Variants in C9orf43 observed in about 807,000 individuals in gnomAD.
C9orf43 encodes the protein chromosome 9 open reading frame 43.
C9orf43 carries 45 observed loss-of-function variants against 59.1 expected under a neutral mutation model. That is an observed-to-expected ratio of 0.76 (90% CI 0.60 to 0.98). C9orf43 has a LOEUF of 0.98. Among genes scored for constraint, C9orf43 ranks in the 50% least tolerant of loss-of-function variants. C9orf43 has a pLI of 0.00. For synonymous variants in C9orf43, 203 were observed against 196.8 expected (o/e 1.03, Z -0.26); for missense variants, 533 against 554.9 (o/e 0.96, Z 0.40).
intron 1 of C9orf43, among the ~76,000 whole-genome samples, chr9:113,412,899 G>T (rs1433753598): frequency 6.6e-6 from 1 of 152,206 alleles, no homozygotes; most frequent in East Asian, 1.9e-4. Flanking sequence ...TTCATTGCTG[G>T]TGGGTATTTT....
chr9:113,426,933 T>G (rs747675118), intron 11 of C9orf43, among the ~76,000 whole-genome samples: 1 of 152,102 alleles, frequency 6.6e-6, no homozygotes, highest in African/African-American at 2.4e-5. Context: ...TTTCCTGATA[T>G]GGGAAAGAAC....
intron 5 of C9orf43, among the ~76,000 whole-genome samples, 192 bp downstream of exon 5, chr9:113,421,395 T>C (rs1015084007): frequency 2.0e-5 from 3 of 151,884 alleles, no homozygotes; most frequent in Non-Finnish European, 4.4e-5. Context: ...TTGAGATTCA[T>C]GCTGTGGGAC....
chr9:113,426,507 C>T (rs1223464641), intron 11 of C9orf43, among the ~76,000 whole-genome samples: 1 of 152,168 alleles, frequency 6.6e-6, no homozygotes, highest in Admixed American at 6.5e-5. Context: ...AGAAAGAGCT[C>T]TCCAATCCTG....
At chr9:113,416,361 C>A (rs1828358317) in intron 3 of C9orf43, among the ~76,000 whole-genome samples, 1 of 152,224 alleles carries the variant, frequency 6.6e-6, no homozygotes, top group Non-Finnish European at 1.5e-5. Flanking sequence ...TGTCTGGCTC[C>A]TCTAATCAGA....
At chr9:113,418,140 G>A (rs1025864054) in intron 3 of C9orf43, among the ~76,000 whole-genome samples, 30 of 152,252 alleles carry the variant, frequency 2.0e-4, no homozygotes, top group Admixed American at 1.9e-3. Flanking sequence ...CATTCACAGT[G>A]TTGTACATCC....
At chr9:113,416,738 C>T (rs945005535) in intron 3 of C9orf43, among the ~76,000 whole-genome samples, 2 of 151,832 alleles carry the variant, frequency 1.3e-5, no homozygotes, top group Admixed American at 6.6e-5. Flanking sequence ...CATTTTGGAC[C>T]AGATAATTCT....
chr9:113,417,721 A>G (rs552061146), intron 3 of C9orf43, among the ~76,000 whole-genome samples: 1 of 152,316 alleles, frequency 6.6e-6, no homozygotes, highest in African/African-American at 2.4e-5. Context: ...GGAATAGCAT[A>G]TGCAAAGGCT....
In C9orf43 at chr9:113,428,068, C is replaced by T. The variant is rs1400649912; in HGVS notation, c.1031-79C>T. The stretch of plus-strand genomic sequence containing the variant: ...TCCTGGATGCAGAGTCACTTGTAGA[C>T]TAGGGGTCACCTAGAAGCCCCCAAA... On this transcript the variant is annotated intron_variant, in intron 11 of 13. Transcript: ENST00000374165. 1.1e-5 allele frequency: 16 copies of T among 1,398,312 alleles called. No homozygotes were observed. In the East Asian group the frequency reaches 3.7e-4, roughly 32 times the overall value. 86.6% of individuals were successfully genotyped at this position (1,398,312 alleles called of 1,614,324 possible). A position where few individuals can be genotyped will look rare whatever the true frequency, so the allele number is the denominator to read the frequency against.
At chr9:113,420,925 T>C (rs769929497) in intron 4 of C9orf43, 178 bp from the exon 5 acceptor site, 18 of 385,370 alleles carry the variant, frequency 4.7e-5, no homozygotes, top group African/African-American at 1.7e-4. Context: ...TGCAGATACC[T>C]ATACTGATAT....
Position 113,429,578 on chromosome 9 carries a change from C to T in C9orf43, c.*192C>T, listed in dbSNP as rs1405032811. The T allele has an allele frequency of 5.6e-6, 3 of 532,742 alleles. No individual in the cohort carries two copies. The highest frequency in any genetic ancestry group is 3.8e-5 in the African/African-American group (2 of 52,512). The allele number at this position is 532,742 out of a possible 1,614,324, so 33.0% of individuals were successfully genotyped here. On this transcript the variant is annotated 3_prime_UTR_variant, in exon 14 of 14. Transcript: ENST00000374165. The stretch of plus-strand genomic sequence containing the variant: ...ATTTTCTTTGTTCACCTCTACTTGC[C>T]TCTAAAATAAATGTAGGAGAAAAAT...
Position 113,418,151 on chromosome 9 carries a change from A to G in C9orf43, c.288-957A>G, listed in dbSNP as rs563120876. Among the ~76,000 whole-genome samples, 8 of 152,330 alleles carry G rather than the reference A, an allele frequency of 5.3e-5. No individual in the cohort carries two copies. The East Asian group carries it at 9.6e-4, about 18-fold the overall frequency. On this transcript the variant is annotated intron_variant, in intron 3 of 13. Coordinates refer to ENST00000374165, the MANE Select transcript of C9orf43 (RefSeq NM_001278629.2). Reference sequence around the variant, plus strand: ...AGTACATTCACAGTGTTGTACATCCATCAGCACTATCCATTTCCAGAATGT... The same window carrying G: ...AGTACATTCACAGTGTTGTACATCCGTCAGCACTATCCATTTCCAGAATGT...
Position 113,425,407 on chromosome 9 carries a change from C to T in C9orf43, c.929C>T (p.Pro310Leu). The T allele has an allele frequency of 1.2e-6, 2 of 1,613,846 alleles. No individual in the cohort carries two copies. The highest frequency in any genetic ancestry group is 1.7e-6 in the Non-Finnish European group (2 of 1,179,896). Residue 310 changes from proline to leucine, a missense_variant, in exon 10 of 14, where the codon CCT (proline) becomes CTT (leucine). Physicochemically the swap from Pro to Leu is moderately conservative, Grantham distance 98. Coordinates refer to ENST00000374165, the MANE Select transcript of C9orf43 (RefSeq NM_001278629.2). The part of the protein sequence containing the change: ...QQQQQKKVKT[P>L]IKKQEAKKKA... ...CAGCAACAGAAGAAGGTGAAAACACCTATTAAGAAACAGGTAGAGTGGCAG... is the reference window on the plus strand; with the variant it reads ...CAGCAACAGAAGAAGGTGAAAACACTTATTAAGAAACAGGTAGAGTGGCAG...
At chr9:113,428,004 G>T in intron 11 of C9orf43, 143 bp from the exon 12 acceptor site, 1 of 735,294 alleles carries the variant, frequency 1.4e-6, no homozygotes, top group Non-Finnish European at 2.4e-6. Context: ...AACTCAGAAG[G>T]TCTAACTACC....
intron 4 of C9orf43, 47 bp downstream of exon 4, chr9:113,419,212 T>G (rs1249128956): frequency 7.2e-7 from 1 of 1,392,056 alleles, no homozygotes; most frequent in African/African-American, 1.4e-5. Context: ...TTTTCTTTAC[T>G]AGTGGAAATA....
chr9:113,413,715 C>G, intron 2 of C9orf43, 44 bp from the exon 3 acceptor site: 1 of 1,611,386 alleles, frequency 6.2e-7, no homozygotes, highest in Non-Finnish European at 8.5e-7. Context: ...CTCCCTTTCT[C>G]CAGGCAGCAG....
rs1207579116 is a variant in C9orf43, at chr9:113,425,424, G to C, written c.942+4G>C. On this transcript the variant is annotated splice_donor_region_variant and intron_variant, in intron 10 of 13. Coordinates refer to ENST00000374165, the MANE Select transcript of C9orf43 (RefSeq NM_001278629.2). ...GAAAACACCTATTAAGAAACAGGTAGAGTGGCAGTGAGGGGCTTGCTGGGA... is the reference window on the plus strand; with the variant it reads ...GAAAACACCTATTAAGAAACAGGTACAGTGGCAGTGAGGGGCTTGCTGGGA... 5 of 1,612,294 alleles carry C rather than the reference G, an allele frequency of 3.1e-6. No homozygotes were observed. The highest frequency in any genetic ancestry group is 1.7e-6 in the Non-Finnish European group (2 of 1,179,054).
chr9:113,425,175 C>A, intron 9 of C9orf43, 99 bp downstream of exon 9: 1 of 1,444,314 alleles, frequency 6.9e-7, no homozygotes, highest in Admixed American at 1.7e-5. Flanking sequence ...TTTGTGGCCA[C>A]AGTCATACAG....
At chr9:113,421,780 TTTTG>T (rs1305874668) in intron 5 of C9orf43, among the ~76,000 whole-genome samples, 9 of 152,262 alleles carry the variant, frequency 5.9e-5, no homozygotes, top group African/African-American at 2.2e-4. Context: ...TTTTTATTTC[TTTTG>T]TTTTTCTTTT....
At chr9:113,424,984 A>G (rs1223373035) in intron 8 of C9orf43, 35 bp from the exon 9 acceptor site, 1 of 1,581,564 alleles carries the variant, frequency 6.3e-7, no homozygotes, top group East Asian at 2.2e-5. Flanking sequence ...AAAGACCTGC[A>G]GTAGAGCTTT....
Sources: gnomAD v4.1 joint callset for allele counts (sites outside exome capture counted in the v4.1 genomes callset) on GRCh38, gnomAD v4.1.1 for gene constraint, MANE v1.5 for transcripts, NCBI Gene and HGNC (gene_info 2026-07-23, HGNC 2026-07-21) for gene names.